Variants in VWDE observed in about 807,000 individuals in gnomAD.
The protein encoded by VWDE is von Willebrand factor D and EGF domains, also known as von Willebrand factor D and EGF domain-containing protein.
A neutral mutation model predicts 178.4 loss-of-function variants in VWDE; 207 were observed. That is an observed-to-expected ratio of 1.16 (90% confidence interval 1.04 to 1.30). The LOEUF (loss-of-function observed/expected upper bound fraction) is 1.30. Ranked by LOEUF, VWDE falls within the 50% of genes most tolerant of loss-of-function variation. VWDE has a pLI of 0.00. For synonymous variants in VWDE, 738 were observed against 651.4 expected (o/e 1.13, Z -2.02); for missense variants, 2,287 against 1,901.3 (o/e 1.20, Z -3.77).
At chr7:12,359,369 AT>A (rs1458311165) in intron 16 of VWDE, among the ~76,000 whole-genome samples, 1 of 152,160 alleles carries the variant, frequency 6.6e-6, no homozygotes, top group Non-Finnish European at 1.5e-5. Flanking sequence ...AATAATTCTC[AT>A]TTCTTCCATT....
chr7:12,339,927 A>G (rs1781237239), intron 24 of VWDE, among the ~76,000 whole-genome samples: 1 of 152,140 alleles, frequency 6.6e-6, no homozygotes, highest in Admixed American at 6.6e-5. Flanking sequence ...ATGTTTAATG[A>G]AACTAAGGTG....
rs146996526 is a variant in VWDE at position 12,352,823 on chromosome 7, A to G, written c.3746-1110T>C. Among the ~76,000 whole-genome samples, 165 of 152,292 alleles carry G rather than the reference A, an allele frequency of 1.1e-3. 1 individual carries two copies. The East Asian group carries it at 0.021, about 19-fold the overall frequency. On this transcript the variant is annotated intron_variant, in intron 18 of 28. Transcript: ENST00000275358. ...TAAACCAAAGGTATGGATCTTCAAC[A>G]CTGTCTTCTATAACTTAGTTTTTTC... is the stretch of plus-strand genomic sequence containing the variant.
intron 18 of VWDE, 86 bp downstream of exon 18, chr7:12,356,025 A>T: frequency 1.0e-6 from 1 of 1,003,010 alleles, no homozygotes; most frequent in Non-Finnish European, 1.5e-6. Flanking sequence ...TAAAATCTTT[A>T]GGACCACACA....
At chr7:12,353,472 ATTC>A (rs1051951236) in intron 18 of VWDE, among the ~76,000 whole-genome samples, 66 of 152,264 alleles carry the variant, frequency 4.3e-4, no homozygotes, top group African/African-American at 1.5e-3. Flanking sequence ...CTACACACCC[ATTC>A]ACTAAAATCA....
chr7:12,332,345 CT>C (rs1240801835), intron 28 of VWDE, among the ~76,000 whole-genome samples: 1 of 151,946 alleles, frequency 6.6e-6, no homozygotes, highest in East Asian at 1.9e-4. Context: ...ATTTTTTCCC[CT>C]TAGTGTGATT....
chr7:12,384,519 A>G (rs1374231639), intron 3 of VWDE, among the ~76,000 whole-genome samples: 1 of 152,090 alleles, frequency 6.6e-6, no homozygotes, highest in African/African-American at 2.4e-5. Flanking sequence ...TGGTGTGTCA[A>G]TGTAGGTCAT....
At chr7:12,357,646 A>ATTT (rs375444841) in intron 16 of VWDE, 131 bp from the exon 17 acceptor site, 3 of 846,344 alleles carry the variant, frequency 3.5e-6, no homozygotes, top group Admixed American at 3.5e-5. Flanking sequence ...AGCTGCTTTC[A>ATTT]TTTTTTTTTT....
intron 18 of VWDE, among the ~76,000 whole-genome samples, chr7:12,354,652 A>G (rs1434104756): frequency 1.3e-5 from 2 of 152,238 alleles, no homozygotes; most frequent in Non-Finnish European, 2.9e-5. Context: ...AACTTACTGT[A>G]TAATCAAATA....
chr7:12,398,108 G>T (rs1784711357), intron 1 of VWDE, among the ~76,000 whole-genome samples: 1 of 152,054 alleles, frequency 6.6e-6, no homozygotes, highest in Non-Finnish European at 1.5e-5. Context: ...CACATGTACT[G>T]GTACGTTCAT....
Position 12,361,160 on chromosome 7 carries a change from G to C in VWDE, c.3146C>G (p.Ser1049Ter). The change falls in exon 15 of 29, where the codon TCA (serine) becomes TGA (stop). Residue 1049 changes from serine (S) to a stop codon, truncating the protein, a stop_gained. Coordinates refer to ENST00000275358, the MANE Select transcript of VWDE (RefSeq NM_001135924.3). LOFTEE classifies it high-confidence loss of function. ...AAAAATACATACCTTTATAGTACAT[G>C]AGTCATTTTTATAGAGACCACAAAC... ...CQVCGLYKND[S>*]CTIKENVCII... 6.5e-7 allele frequency: 1 copy of C among 1,530,544 alleles called. No homozygotes were observed. The highest frequency in any genetic ancestry group is 8.9e-7 in the Non-Finnish European group (1 of 1,129,466). 94.8% of individuals were successfully genotyped at this position (1,530,544 alleles called of 1,614,324 possible).
chr7:12,370,217 G>A lies in VWDE; in HGVS notation c.2089C>T (p.Gln697Ter). The change falls in exon 12 of 29, where the codon CAA becomes TAA. Residue 697 changes from glutamine (Q) to a stop codon, truncating the protein, a stop_gained. Transcript: ENST00000275358. LOFTEE classifies it high-confidence loss of function. ...PEEYNLNLFL[Q>*]EKKHINLTKL... is the part of the protein sequence containing the mutation. The stretch of plus-strand genomic sequence containing the variant: ...GTCAGGTTTATGTGTTTTTTTTCTT[G>A]CAGAAATAAATTTAGATTATATTCT... 6.5e-7 allele frequency: 1 copy of A among 1,549,590 alleles called. No individual in the cohort carries two copies. The highest frequency in any genetic ancestry group is 8.7e-7 in the Non-Finnish European group (1 of 1,146,472).
chr7:12,378,008 C>T (rs1583328839), intron 6 of VWDE, 88 bp from the exon 7 acceptor site: 2 of 955,722 alleles, frequency 2.1e-6, no homozygotes, highest in East Asian at 3.0e-5. Context: ...CTCAACAGCA[C>T]ATATTTTACT....
chr7:12,348,583 C>T (rs993596107), intron 19 of VWDE, among the ~76,000 whole-genome samples: 2 of 150,166 alleles, frequency 1.3e-5, no homozygotes, highest in African/African-American at 2.5e-5. Flanking sequence ...ACAACAGGTA[C>T]TGGAGAGGAT....
chr7:12,350,142 T>C (rs1781848566), intron 19 of VWDE, among the ~76,000 whole-genome samples: 1 of 151,868 alleles, frequency 6.6e-6, no homozygotes, highest in African/African-American at 2.4e-5. Flanking sequence ...TAAAGTGGCA[T>C]AATCATATAG....
At chr7:12,381,906 AT>A (rs1490440891) in intron 4 of VWDE, among the ~76,000 whole-genome samples, 1 of 151,960 alleles carries the variant, frequency 6.6e-6, no homozygotes, top group East Asian at 1.9e-4. Flanking sequence ...GTTTGAATCA[AT>A]ACTTTAAATT....
rs112970015 is a variant in VWDE at position 12,401,305 on chromosome 7, C to T, written c.58+2354G>A. ...CTCCATATAGAAAATTCTAAGGAAT[C>T]AACTAAAAAAACTAAAGTATAGTAG... On this transcript the variant is annotated intron_variant, in intron 1 of 28. Coordinates refer to ENST00000275358, the MANE Select transcript of VWDE (RefSeq NM_001135924.3). Among the ~76,000 whole-genome samples the T allele has an allele frequency of 5.3e-5, 8 of 152,120 alleles. 1 individual carries two copies. The highest frequency in any genetic ancestry group is 1.9e-4 in the African/African-American group (8 of 41,522).
intron 20 of VWDE, 26 bp downstream of exon 20, chr7:12,344,348 G>T: frequency 6.5e-7 from 1 of 1,547,296 alleles, no homozygotes; most frequent in Non-Finnish European, 8.7e-7. Context: ...AATTTATCAT[G>T]CAAACTAATG....
chr7:12,393,850 T>A, intron 1 of VWDE, 72 bp from the exon 2 acceptor site: 1 of 1,315,270 alleles, frequency 7.6e-7, no homozygotes, highest in Admixed American at 3.0e-5. Flanking sequence ...TCAATTAAAA[T>A]TGATTCCCAA....
intron 19 of VWDE, among the ~76,000 whole-genome samples, chr7:12,350,195 C>T (rs1197227048): frequency 2.0e-5 from 3 of 151,694 alleles, no homozygotes; most frequent in Non-Finnish European, 4.4e-5. Context: ...GAAATACTAG[C>T]AAATCAAAGG....
Sources: gnomAD v4.1 joint callset for allele counts (sites outside exome capture counted in the v4.1 genomes callset) on GRCh38, gnomAD v4.1.1 for gene constraint, MANE v1.5 for transcripts, NCBI Gene and HGNC (gene_info 2026-07-23, HGNC 2026-07-21) for gene names.